Variants in WIPI1 observed in about 807,000 individuals in gnomAD.
WIPI1 encodes the protein WD repeat domain, phosphoinositide interacting 1.
Under a neutral mutation model 55.3 loss-of-function variants are expected in WIPI1, and 45 were observed. The observed-to-expected ratio is 0.81, with a 90% CI of 0.64 to 1.04. The LOEUF (loss-of-function observed/expected upper bound fraction) is 1.04. WIPI1 is among the 50% of genes least tolerant of loss of function. The pLI, the probability that WIPI1 is intolerant of heterozygous loss-of-function variation, is 0.00. For missense variants in WIPI1, 445 were observed against 559.0 expected, an observed-to-expected ratio of 0.80 and a Z score of 2.06; for synonymous variants, 195 against 217.6, an observed-to-expected ratio of 0.90 and a Z score of 0.92.
chr17:68,425,578 G>A (rs2083116465), intron 12 of WIPI1, among the ~76,000 whole-genome samples: 1 of 152,078 alleles, frequency 6.6e-6, no homozygotes, highest in Non-Finnish European at 1.5e-5. Context: ...GCCGGCCAGA[G>A]CTGCAGGTAA....
chr17:68,454,700 A>G (rs2084601908), intron 1 of WIPI1, among the ~76,000 whole-genome samples: 1 of 152,276 alleles, frequency 6.6e-6, no homozygotes, highest in Non-Finnish European at 1.5e-5. Context: ...CTTTCTTCAC[A>G]TAAACTTTTT....
chr17:68,434,161 TC>T (rs1318135587), intron 7 of WIPI1, among the ~76,000 whole-genome samples: 1 of 152,166 alleles, frequency 6.6e-6, no homozygotes, highest in Non-Finnish European at 1.5e-5. Context: ...CTTGGAATCT[TC>T]CAGTTGCTCT....
chr17:68,422,755 A>T (rs905693475), intron 12 of WIPI1: 1 of 146,412 alleles, frequency 6.8e-6, no homozygotes, highest in East Asian at 2.0e-4. Context: ...AAAAAAAAAA[A>T]GGGAAGGTCA....
rs11656906 is a variant in WIPI1, at chr17:68,432,752, T to G, written c.800+716A>C. ...TAGGCTTTCTGTCCTGATCCTGCCTTTCTCTGCAGGTTGGGGTAACGTTTT... is the reference window on the plus strand; with the variant it reads ...TAGGCTTTCTGTCCTGATCCTGCCTGTCTCTGCAGGTTGGGGTAACGTTTT... On this transcript the variant is annotated intron_variant, in intron 8 of 12. Transcript: ENST00000262139. Among the ~76,000 whole-genome samples the G allele has an allele frequency of 2.6e-5, 4 of 152,036 alleles. No homozygotes were observed. In the East Asian group the frequency reaches 7.7e-4, roughly 29 times the overall value.
Position 68,429,985 on chromosome 17 carries a change from A to G in WIPI1, c.965+11T>C, listed in dbSNP as rs2083438442. The G allele has an allele frequency of 1.9e-6, 3 of 1,613,886 alleles. No homozygotes were observed. Among genetic ancestry groups the G allele is most frequent in the Non-Finnish European group, 2.5e-6 (3 of 1,179,954 alleles). Reference sequence around the variant, plus strand: ...TGTGGTCTTGTTCAGAGTGGGTGTCATTGTACGTACGTTGAGAGGGTACAG... The same window carrying G: ...TGTGGTCTTGTTCAGAGTGGGTGTCGTTGTACGTACGTTGAGAGGGTACAG... On this transcript the variant is annotated intron_variant, in intron 9 of 12. Coordinates refer to ENST00000262139, the MANE Select transcript of WIPI1 (RefSeq NM_017983.7).
chr17:68,444,915 C>CTTTT (rs10607287), intron 3 of WIPI1, among the ~76,000 whole-genome samples: 2 of 89,086 alleles, frequency 2.2e-5, no homozygotes, highest in African/African-American at 4.8e-5. Context: ...ATCCTGAACA[C>CTTTT]TTTTTTTTTT....
At chr17:68,445,837 T>G (rs1355140172) in intron 3 of WIPI1, among the ~76,000 whole-genome samples, 1 of 152,202 alleles carries the variant, frequency 6.6e-6, no homozygotes, top group Non-Finnish European at 1.5e-5. Flanking sequence ...CATGCCTGAC[T>G]TGGCTCCCCT....
chr17:68,437,199 T>C (rs75195205), intron 4 of WIPI1, among the ~76,000 whole-genome samples: 105 of 152,258 alleles, frequency 6.9e-4, no homozygotes, highest in African/African-American at 2.4e-3. Context: ...CAGATGATTA[T>C]ATACTGTTGG....
At chr17:68,425,289 G>GACCTC (rs1568619273) in intron 12 of WIPI1, among the ~76,000 whole-genome samples, 1 of 152,040 alleles carries the variant, frequency 6.6e-6, no homozygotes, top group Middle Eastern at 3.2e-3. Context: ...CTGCAGCCTC[G>GACCTC]ACCTCCCAGG....
rs566389913 is a variant in WIPI1 at position 68,425,433 on chromosome 17, C to A, written c.1293+642G>T. On this transcript the variant is annotated intron_variant, in intron 12 of 12. Transcript: ENST00000262139. ...ATGGGGTTTTGCTGTGTTGCCCAGG[C>A]TGGTCTCTAACTCCTGGGCTCAAGC... Among the ~76,000 whole-genome samples, 42 of 145,230 alleles carry A rather than the reference C, an allele frequency of 2.9e-4. 1 individual carries two copies. In the South Asian group the frequency reaches 9.1e-3, roughly 31 times the overall value.
chr17:68,451,554 T>C (rs1171415241), intron 2 of WIPI1, among the ~76,000 whole-genome samples: 3 of 152,266 alleles, frequency 2.0e-5, no homozygotes, highest in Admixed American at 2.0e-4. Flanking sequence ...CACTGTTTGC[T>C]CTGTCAAACA....
At chr17:68,441,464 A>G (rs532707341) in intron 4 of WIPI1, among the ~76,000 whole-genome samples, 112 of 152,374 alleles carry the variant, frequency 7.4e-4, no homozygotes, top group African/African-American at 2.5e-3. Flanking sequence ...TAAAATCAAC[A>G]GTCACAGTTT....
Position 68,433,502 on chromosome 17 carries a change from C to T in WIPI1, c.766G>A (p.Val256Ile), listed in dbSNP as rs765767251. The T allele has an allele frequency of 6.2e-6, 10 of 1,613,914 alleles. No homozygotes were observed. The highest frequency in any genetic ancestry group is 8.5e-6 in the Non-Finnish European group (10 of 1,180,006). The change falls in exon 8 of 13, where the codon GTA becomes ATA. Residue 256 changes from valine to isoleucine, a missense_variant. Transcript: ENST00000262139. ...FLCASSNTET[V>I]HIFKLEQVTN... is the part of the protein sequence containing the mutation. ...ACCTGTTCCAGCTTGAAGATGTGTA[C>T]CGTCTCGGTGTTACTGGAGGCGCAG... is the stretch of plus-strand genomic sequence containing the variant.
Position 68,426,136 on chromosome 17 carries a change from A to G in WIPI1, c.1232T>C (p.Ile411Thr). ...TCCCGTCGCAAACTCATGTTCAGGA[A>G]TAACTTCTCCTCGCAGCGCCCCGCC... Reference protein sequence around the residue: ...EDGGALRGEVIPEHEFATGPV... With the variant: ...EDGGALRGEVTPEHEFATGPV... The change falls in exon 12 of 13, where the codon ATT (isoleucine) becomes ACT (threonine). Residue 411 changes from isoleucine (I) to threonine (T), a missense_variant. Ile to Thr is a moderately conservative substitution (Grantham distance 89, BLOSUM62 -1). Transcript: ENST00000262139. 1 of 1,612,002 alleles carries G rather than the reference A, an allele frequency of 6.2e-7. No individual in the cohort carries two copies. The highest frequency in any genetic ancestry group is 8.5e-7 in the Non-Finnish European group (1 of 1,179,784).
At chr17:68,447,984 CAAAAAAAAAAA>C (rs5821653) in intron 3 of WIPI1, among the ~76,000 whole-genome samples, 1,458 of 80,284 alleles carry the variant, frequency 0.018, 31 homozygotes, top group African/African-American at 0.064. Context: ...GACTCTATCT[CAAAAAAAAAAA>C]AAAAAAAAAA....
chr17:68,455,985 A>C (rs542910366), intron 1 of WIPI1, among the ~76,000 whole-genome samples: 1 of 152,350 alleles, frequency 6.6e-6, no homozygotes, highest in Non-Finnish European at 1.5e-5. Flanking sequence ...CAGCATTTTT[A>C]TAAACTGCAG....
intron 8 of WIPI1, 96 bp downstream of exon 8, chr17:68,433,372 G>A: frequency 8.8e-7 from 1 of 1,135,666 alleles, no homozygotes; most frequent in Non-Finnish European, 1.3e-6. Flanking sequence ...CCAAGATTGG[G>A]TGTTCAGAAA....
chr17:68,432,751 T>G (rs2083585748), intron 8 of WIPI1, among the ~76,000 whole-genome samples: 1 of 152,194 alleles, frequency 6.6e-6, no homozygotes, highest in Non-Finnish European at 1.5e-5. Flanking sequence ...TGATCCTGCC[T>G]TTCTCTGCAG....
At chr17:68,451,815 A>G (rs1305838905) in intron 2 of WIPI1, among the ~76,000 whole-genome samples, 1 of 152,210 alleles carries the variant, frequency 6.6e-6, no homozygotes, top group Non-Finnish European at 1.5e-5. Flanking sequence ...TTCTGTACTC[A>G]GGAAGAAGTT....
Sources: gnomAD v4.1 joint callset for allele counts (sites outside exome capture counted in the v4.1 genomes callset) on GRCh38, gnomAD v4.1.1 for gene constraint, MANE v1.5 for transcripts, NCBI Gene and HGNC (gene_info 2026-07-23, HGNC 2026-07-21) for gene names.